EXOC2: variants seen among roughly 807,000 people sequenced by gnomAD.
The protein encoded by EXOC2 is SEC5-like 1.
EXOC2 carries 70 observed loss-of-function variants against 131.8 expected under a neutral mutation model. The ratio of observed to expected loss-of-function variants is 0.53; its 90% confidence interval spans 0.44 to 0.65. The LOEUF is 0.65. Ranked by LOEUF, EXOC2 falls within the 30% of genes least tolerant of loss-of-function variation. The pLI is 0.00. For missense variants in EXOC2, 923 were observed against 1,108.6 expected, an observed-to-expected ratio of 0.83 and a Z score of 2.38; for synonymous variants, 411 against 398.4, an observed-to-expected ratio of 1.03 and a Z score of -0.38.
At position 486,516 on chromosome 6, in the gene EXOC2, T is replaced by C. The variant is rs1763057536; in HGVS notation, c.*155A>G. The C allele has an allele frequency of 1.6e-6, 1 of 620,590 alleles. No individual in the cohort carries two copies. The highest frequency in any genetic ancestry group is 2.8e-6 in the Non-Finnish European group (1 of 354,544). The allele number at this position is 620,590 out of a possible 1,614,324, so 38.4% of individuals were successfully genotyped here. On this transcript the variant is annotated 3_prime_UTR_variant, in exon 28 of 28. Transcript: ENST00000230449. The stretch of plus-strand genomic sequence containing the variant: ...GGCATTTCAAATGAGGTCATTTTGG[T>C]TGAAATGTATACCAACAATTTTCGA...
At chr6:599,390 T>C (rs562075079) in intron 7 of EXOC2, among the ~76,000 whole-genome samples, 165 bp from the exon 8 acceptor site, 2 of 152,340 alleles carry the variant, frequency 1.3e-5, no homozygotes, top group African/African-American at 2.4e-5. Context: ...TAAAATAAAA[T>C]TTCCATTTTG....
intron 1 of EXOC2, among the ~76,000 whole-genome samples, chr6:690,925 A>G (rs1418431172): frequency 1.3e-5 from 2 of 152,198 alleles, no homozygotes; most frequent in Non-Finnish European, 2.9e-5. Context: ...CAGAGTGATC[A>G]ATGAATGTTA....
chr6:683,055 C>T (rs536021654), intron 1 of EXOC2, among the ~76,000 whole-genome samples: 8 of 152,280 alleles, frequency 5.3e-5, no homozygotes, highest in Non-Finnish European at 1.0e-4. Flanking sequence ...GCTTTACCCT[C>T]GCAGTGATGG....
intron 1 of EXOC2, among the ~76,000 whole-genome samples, chr6:659,693 C>T (rs1469153458): frequency 6.6e-6 from 1 of 152,158 alleles, no homozygotes. Flanking sequence ...GTAGAGGCAG[C>T]AGAAAAGCCC....
chr6:690,215 A>G (rs764377402), intron 1 of EXOC2, among the ~76,000 whole-genome samples: 4 of 152,158 alleles, frequency 2.6e-5, no homozygotes, highest in Non-Finnish European at 5.9e-5. Flanking sequence ...AATGAGCCGA[A>G]CCCGGTGGCA....
chr6:665,013 G>A lies in EXOC2; in HGVS notation c.-43-27152C>T, dbSNP rs185641419. The stretch of plus-strand genomic sequence containing the variant: ...TAAACAGACAACACACAGAGGGGGA[G>A]AAAATCTTCACAATCTATACATCTG... On this transcript the variant is annotated intron_variant, in intron 1 of 27. Transcript: ENST00000230449. Among the ~76,000 whole-genome samples the A allele has an allele frequency of 5.3e-3, 802 of 152,166 alleles. 9 individuals carry two copies. The highest frequency in any genetic ancestry group is 0.018 in the African/African-American group (765 of 41,490).
intron 1 of EXOC2, chr6:656,845 C>A (rs753225884): frequency 1.2e-6 from 2 of 1,610,574 alleles, no homozygotes. Context: ...TCAGGGCGCA[C>A]GCGGAGCACG....
chr6:668,644 C>G (rs1763722747), intron 1 of EXOC2, among the ~76,000 whole-genome samples: 1 of 152,202 alleles, frequency 6.6e-6, no homozygotes, highest in Non-Finnish European at 1.5e-5. Flanking sequence ...CTTATCTCTA[C>G]CATTCAGCCA....
intron 17 of EXOC2, among the ~76,000 whole-genome samples, chr6:561,145 TA>T (rs1757680119): frequency 6.6e-6 from 1 of 152,264 alleles, no homozygotes; most frequent in Admixed American, 6.5e-5. Context: ...ATCACCTTGT[TA>T]TATATAAAGT....
chr6:555,221 A>G lies in EXOC2; in HGVS notation c.2054+6T>C. 6.9e-7 allele frequency: 1 copy of G among 1,456,564 alleles called. No homozygotes were observed. Among genetic ancestry groups the G allele is most frequent in the Non-Finnish European group, 9.2e-7 (1 of 1,081,980 alleles). 90.2% of individuals were successfully genotyped at this position (1,456,564 alleles called of 1,614,324 possible). ...CATTAATGAGATTAATTTAATTTTT[A>G]CTTACTGTGTAGTATCTATATCTGC... On this transcript the variant is annotated splice_donor_region_variant and intron_variant, in intron 20 of 27. Transcript: ENST00000230449.
chr6:626,732 C>T (rs1290917009), intron 4 of EXOC2, among the ~76,000 whole-genome samples: 1 of 152,090 alleles, frequency 6.6e-6, no homozygotes, highest in Non-Finnish European at 1.5e-5. Context: ...GCTGAGATTA[C>T]ATGCGCCTGC....
Position 497,566 on chromosome 6 carries a change from A to C in EXOC2, c.2437-77T>G, listed in dbSNP as rs1287049117. ...TTGTTAAAGACAAAGTTAACATTCA[A>C]AACAAAACAAAAGAAAATCAACAGG... is the stretch of plus-strand genomic sequence containing the variant. On this transcript the variant is annotated intron_variant, in intron 24 of 27. Transcript: ENST00000230449. The C allele has an allele frequency of 2.7e-6, 4 of 1,493,812 alleles. No homozygotes were observed. In the African/African-American group the frequency reaches 5.6e-5, roughly 21 times the overall value. The allele number at this position is 1,493,812 out of a possible 1,614,324, so 92.5% of individuals were successfully genotyped here. A position where few individuals can be genotyped will look rare whatever the true frequency, so the allele number is the denominator to read the frequency against.
At chr6:686,844 T>A (rs113260016) in intron 1 of EXOC2, among the ~76,000 whole-genome samples, 5 of 152,252 alleles carry the variant, frequency 3.3e-5, no homozygotes, top group African/African-American at 7.2e-5. Flanking sequence ...TGATGACATG[T>A]CAAAAATGAA....
intron 10 of EXOC2, among the ~76,000 whole-genome samples, chr6:597,245 C>T (rs1465541419): frequency 2.6e-5 from 4 of 151,294 alleles, no homozygotes; most frequent in Admixed American, 2.0e-4. Flanking sequence ...TGTGAGATCT[C>T]GGTTCACTGC....
At chr6:510,312 A>G (rs993768953) in intron 23 of EXOC2, among the ~76,000 whole-genome samples, 6 of 151,974 alleles carry the variant, frequency 3.9e-5, no homozygotes, top group African/African-American at 1.5e-4. Flanking sequence ...AGGAAAGGAC[A>G]CCCTTCCTAT....
At chr6:673,252 CAAAAAAAAAAAAAAAAAAAAAAAAAAAA>C (rs56189394) in intron 1 of EXOC2, among the ~76,000 whole-genome samples, 2 of 64,282 alleles carry the variant, frequency 3.1e-5, no homozygotes, top group Non-Finnish European at 5.6e-5. Flanking sequence ...ACTCCATAGC[CAAAAAAAAAAAAAAAAAAAAAAAAAAAA>C]AAAAAAAAAA....
intron 11 of EXOC2, among the ~76,000 whole-genome samples, chr6:578,339 G>A (rs538037692): frequency 2.0e-5 from 3 of 152,248 alleles, no homozygotes; most frequent in African/African-American, 7.2e-5. Flanking sequence ...TTGCAGGCCC[G>A]GGGGATAAAG....
In EXOC2 at chr6:491,101, CAACTA is replaced by C. The variant is rs750613513; in HGVS notation, c.2621+19_2621+23del. On this transcript the variant is annotated intron_variant, in intron 26 of 27. Transcript: ENST00000230449. ...CAACCTTTATTTTTAATAGAGCACT[CAACTA>C]AAGAACACTGCCACTTACTTGCTTT... The C allele has an allele frequency of 1.1e-5, 18 of 1,612,676 alleles. No individual in the cohort carries two copies. The highest frequency in any genetic ancestry group is 1.5e-5 in the Non-Finnish European group (18 of 1,178,678).
chr6:503,143 G>C (rs1764325565), intron 23 of EXOC2, among the ~76,000 whole-genome samples: 1 of 150,906 alleles, frequency 6.6e-6, no homozygotes. Context: ...GCTAATCGCT[G>C]AATTAAATAC....
Sources: gnomAD v4.1 joint callset for allele counts (sites outside exome capture counted in the v4.1 genomes callset) on GRCh38, gnomAD v4.1.1 for gene constraint, MANE v1.5 for transcripts, NCBI Gene and HGNC (gene_info 2026-07-23, HGNC 2026-07-21) for gene names.